SMAD9: variants seen among roughly 807,000 people sequenced by gnomAD.
The protein encoded by SMAD9 is SMAD family member 9.
Under a neutral mutation model 46.1 loss-of-function variants are expected in SMAD9, and 36 were observed. That is an observed-to-expected ratio of 0.78 (90% CI 0.60 to 1.03). The LOEUF (loss-of-function observed/expected upper bound fraction) is 1.03, where lower values mean the gene tolerates loss of function less well. Among genes scored for constraint, SMAD9 ranks in the 50% least tolerant of loss-of-function variants. The pLI is 0.00. For synonymous variants in SMAD9, 245 were observed against 237.1 expected (o/e 1.03, Z -0.31); for missense variants, 572 against 599.8 (o/e 0.95, Z 0.48).
chr13:36,882,231 G>GTGTT (rs2058409529), intron 1 of SMAD9, among the ~76,000 whole-genome samples: 1 of 40,758 alleles, frequency 2.5e-5, no homozygotes, highest in Admixed American at 2.1e-4. Flanking sequence ...TATGTGCTGT[G>GTGTT]TGTGTGTGTG....
intron 2 of SMAD9, among the ~76,000 whole-genome samples, chr13:36,874,751 G>T (rs184565325): frequency 3.3e-5 from 5 of 151,050 alleles, no homozygotes; most frequent in Admixed American, 6.6e-5. Flanking sequence ...CAGCTACTTG[G>T]GGGGGCTGAG....
At chr13:36,919,145 C>T (rs917318789) in intron 1 of SMAD9, among the ~76,000 whole-genome samples, 2 of 152,204 alleles carry the variant, frequency 1.3e-5, no homozygotes, top group Non-Finnish European at 2.9e-5. Context: ...CAGGAGTACC[C>T]ACTCCAGCCC....
chr13:36,849,252 G>T, intron 6 of SMAD9: 1 of 158,110 alleles, frequency 6.3e-6, no homozygotes, highest in Non-Finnish European at 1.3e-5. Context: ...GGTTTTTCAG[G>T]GCTCATTATC....
In SMAD9 at chr13:36,903,359, TC is replaced by T. The variant is rs2138649241; in HGVS notation, c.-187+16756del. On this transcript the variant is annotated intron_variant, in intron 1 of 6. Coordinates refer to ENST00000379826, the MANE Select transcript of SMAD9 (RefSeq NM_001127217.3). ...TCAGGCTGGTCTTGAACTCCTGACCTCGTGAACCACCTGCCTCGGCCTCCCA... is the reference window on the plus strand; with the variant it reads ...TCAGGCTGGTCTTGAACTCCTGACCTGTGAACCACCTGCCTCGGCCTCCCA... Among the ~76,000 whole-genome samples, 2 of 152,206 alleles carry T rather than the reference TC, an allele frequency of 1.3e-5. 1 individual carries two copies. The highest frequency in any genetic ancestry group is 3.9e-4 in the East Asian group (2 of 5,160).
intron 1 of SMAD9, among the ~76,000 whole-genome samples, chr13:36,898,752 T>C (rs2058549888): frequency 6.6e-6 from 1 of 152,168 alleles, no homozygotes; most frequent in Non-Finnish European, 1.5e-5. Flanking sequence ...CTCACCAAAC[T>C]AGAAATAGAA....
chr13:36,894,324 A>C (rs1329230971), intron 1 of SMAD9, among the ~76,000 whole-genome samples: 3 of 152,070 alleles, frequency 2.0e-5, no homozygotes, highest in Non-Finnish European at 4.4e-5. Context: ...CGGTTTTCTA[A>C]GGGGTTTCCT....
At position 36,853,433 on chromosome 13, in the gene SMAD9, T is replaced by C; in HGVS notation, c.1246A>G (p.Met416Val). 1 of 1,614,094 alleles carries C rather than the reference T, an allele frequency of 6.2e-7. No individual in the cohort carries two copies. The highest frequency in any genetic ancestry group is 1.1e-5 in the South Asian group (1 of 91,084). ...YELTKMCTIR[M>V]SFVKGWGAEY... is the part of the protein sequence containing the mutation. Reference sequence around the variant, plus strand: ...GCACTCCTTACCTTAACAAAACTCATCCGGATAGTACACATCTTGGTCAGT... The same window carrying C: ...GCACTCCTTACCTTAACAAAACTCACCCGGATAGTACACATCTTGGTCAGT... Residue 416 changes from methionine (M) to valine (V), a missense_variant, in exon 6 of 7, where the codon ATG (methionine) becomes GTG (valine). Coordinates refer to ENST00000379826, the MANE Select transcript of SMAD9 (RefSeq NM_001127217.3).
intron 6 of SMAD9, among the ~76,000 whole-genome samples, chr13:36,852,913 G>A (rs1432901005): frequency 2.0e-5 from 3 of 152,184 alleles, no homozygotes; most frequent in Non-Finnish European, 4.4e-5. Context: ...AAAGTAATGT[G>A]TAACAATTTT....
chr13:36,871,119 A>G (rs8001427), intron 3 of SMAD9, among the ~76,000 whole-genome samples: 2,547 of 152,298 alleles, frequency 0.017, 75 homozygotes, highest in African/African-American at 0.059. Context: ...TCATCACTGC[A>G]CCTCTAGCAC....
intron 1 of SMAD9, among the ~76,000 whole-genome samples, chr13:36,898,109 C>T (rs1283948818): frequency 6.6e-6 from 1 of 151,890 alleles, no homozygotes; most frequent in Non-Finnish European, 1.5e-5. Flanking sequence ...CCGCCCGCCT[C>T]GGCCTCCCAA....
chr13:36,885,188 T>C (rs2058434809), intron 1 of SMAD9, among the ~76,000 whole-genome samples: 1 of 152,238 alleles, frequency 6.6e-6, no homozygotes, highest in Non-Finnish European at 1.5e-5. Context: ...GCAGCACTTT[T>C]TGTACACTGG....
rs117804821 is a variant in SMAD9 at position 36,895,773 on chromosome 13, T to C, written c.-186-15898A>G. Among the ~76,000 whole-genome samples the C allele has an allele frequency of 7.9e-5, 12 of 152,314 alleles. No homozygotes were observed. The East Asian group carries it at 2.1e-3, about 27-fold the overall frequency. Reference sequence around the variant, plus strand: ...TCAGTGCTTTTTTTTTAAGTTGGCCTAGGGACTGTTACCCAGTGAAGTTAC... The same window carrying C: ...TCAGTGCTTTTTTTTTAAGTTGGCCCAGGGACTGTTACCCAGTGAAGTTAC... On this transcript the variant is annotated intron_variant, in intron 1 of 6. Coordinates refer to ENST00000379826, the MANE Select transcript of SMAD9 (RefSeq NM_001127217.3).
At chr13:36,887,860 A>G (rs1406343661) in intron 1 of SMAD9, among the ~76,000 whole-genome samples, 1 of 152,020 alleles carries the variant, frequency 6.6e-6, no homozygotes, top group Non-Finnish European at 1.5e-5. Context: ...CCCTCTGAAA[A>G]CTCCAAGGTT....
intron 3 of SMAD9, among the ~76,000 whole-genome samples, chr13:36,871,517 C>CA (rs1555240098): frequency 1.9e-4 from 28 of 148,678 alleles, no homozygotes; most frequent in African/African-American, 7.0e-4. Context: ...GACTCCGTCT[C>CA]AAAATAAAAA....
intron 1 of SMAD9, among the ~76,000 whole-genome samples, chr13:36,913,025 G>A (rs2058673197): frequency 6.6e-6 from 1 of 151,988 alleles, no homozygotes; most frequent in Non-Finnish European, 1.5e-5. Context: ...AATCATCTTA[G>A]CTTACTTATA....
At chr13:36,914,589 C>T (rs1431420447) in intron 1 of SMAD9, among the ~76,000 whole-genome samples, 1 of 152,186 alleles carries the variant, frequency 6.6e-6, no homozygotes, top group Non-Finnish European at 1.5e-5. Flanking sequence ...CTCAGCCAAA[C>T]TCCAATTCTC....
chr13:36,871,753 G>A (rs1373166828), intron 3 of SMAD9, among the ~76,000 whole-genome samples: 1 of 152,208 alleles, frequency 6.6e-6, no homozygotes. Flanking sequence ...ACTGAGAGGT[G>A]AAGAGGCAAT....
intron 3 of SMAD9, among the ~76,000 whole-genome samples, chr13:36,869,157 G>C (rs2058264367): frequency 6.6e-6 from 1 of 151,970 alleles, no homozygotes; most frequent in South Asian, 2.1e-4. Context: ...GTTTCCGTTT[G>C]GGGTGATGAA....
intron 5 of SMAD9, among the ~76,000 whole-genome samples, chr13:36,855,607 G>A (rs900351104): frequency 6.6e-6 from 1 of 152,158 alleles, no homozygotes; most frequent in African/African-American, 2.4e-5. Context: ...TTAAAGAACA[G>A]AACTCACAGC....
Sources: gnomAD v4.1 joint callset for allele counts (sites outside exome capture counted in the v4.1 genomes callset) on GRCh38, gnomAD v4.1.1 for gene constraint, MANE v1.5 for transcripts, NCBI Gene and HGNC (gene_info 2026-07-23, HGNC 2026-07-21) for gene names.